The following LRRC4C variants were observed in gnomAD, a reference collection of about 807,000 sequenced individuals.
LRRC4C encodes the protein leucine rich repeat containing 4C, also known as leucine-rich repeat-containing protein 4C.
Under a neutral mutation model 33.6 loss-of-function variants are expected in LRRC4C, and 5 were observed. The observed-to-expected ratio is 0.15, with a 90% CI of 0.08 to 0.31. LRRC4C has a LOEUF of 0.31. Ranked by LOEUF, LRRC4C falls within the 10% of genes least tolerant of loss-of-function variation. The pLI, the probability that LRRC4C is intolerant of heterozygous loss-of-function variation, is 1.00. For missense variants in LRRC4C, 560 were observed against 796.7 expected (o/e 0.70, Z 3.58); for synonymous variants, 329 against 302.0 (o/e 1.09, Z -0.93).
chr11:41,262,900 TG>T (rs1317621570), intron 1 of LRRC4C, among the ~76,000 whole-genome samples: 1 of 152,144 alleles, frequency 6.6e-6, no homozygotes, highest in African/African-American at 2.4e-5. Flanking sequence ...GGGAGAATGC[TG>T]CCTAATATTT....
At chr11:40,425,117 T>C (rs1169906065) in intron 3 of LRRC4C, among the ~76,000 whole-genome samples, 2 of 130,208 alleles carry the variant, frequency 1.5e-5, no homozygotes, top group Admixed American at 7.9e-5. Flanking sequence ...TGAAGTCTCA[T>C]CTTTGTGGGG....
chr11:40,197,989 A>G (rs74853866), intron 5 of LRRC4C, among the ~76,000 whole-genome samples: 56 of 152,310 alleles, frequency 3.7e-4, no homozygotes, highest in African/African-American at 1.3e-3. Context: ...TACATTTAAT[A>G]AGAATGAGAA....
At chr11:40,153,357 C>T (rs1858384887) in intron 5 of LRRC4C, among the ~76,000 whole-genome samples, 1 of 152,014 alleles carries the variant, frequency 6.6e-6, no homozygotes, top group Admixed American at 6.6e-5. Flanking sequence ...GAAAACCAAC[C>T]CTGGTAATAT....
chr11:40,276,261 T>G (rs1236672075), intron 4 of LRRC4C, among the ~76,000 whole-genome samples: 1 of 152,034 alleles, frequency 6.6e-6, no homozygotes, highest in African/African-American at 2.4e-5. Context: ...TGAGTTAGAA[T>G]AGGGAAGGGA....
At chr11:41,385,294 G>A (rs540083547) in intron 1 of LRRC4C, among the ~76,000 whole-genome samples, 4 of 151,424 alleles carry the variant, frequency 2.6e-5, no homozygotes, top group Non-Finnish European at 5.9e-5. Flanking sequence ...CCCAAATACT[G>A]CAGAATATAC....
intron 3 of LRRC4C, among the ~76,000 whole-genome samples, chr11:40,546,921 T>C (rs555785129): frequency 4.6e-5 from 7 of 152,274 alleles, no homozygotes; most frequent in Admixed American, 1.3e-4. Flanking sequence ...TCATATACTA[T>C]GCAGCCTGTG....
intron 2 of LRRC4C, among the ~76,000 whole-genome samples, chr11:40,931,353 A>T (rs934370832): frequency 1.3e-5 from 2 of 152,196 alleles, no homozygotes; most frequent in Admixed American, 1.3e-4. Context: ...GAAATAATTT[A>T]ATCAATGACT....
rs150380000 is a variant in LRRC4C, at chr11:40,989,574, A to G, written c.-495-55851T>C. Among the ~76,000 whole-genome samples, 5 of 152,294 alleles carry G rather than the reference A, an allele frequency of 3.3e-5. No homozygotes were observed. In the East Asian group the frequency reaches 9.7e-4, roughly 29 times the overall value. On this transcript the variant is annotated intron_variant, in intron 1 of 6. Coordinates refer to ENST00000528697, the MANE Select transcript of LRRC4C (RefSeq NM_001258419.2). ...CTAGGTATTTATTCAGGAAGGATTT[A>G]TACATAACATTCTGGTTAGAAGGGG...
chr11:40,202,769 A>C lies in LRRC4C; in HGVS notation c.-96+38750T>G, dbSNP rs182011685. On this transcript the variant is annotated intron_variant, in intron 5 of 6. Coordinates refer to ENST00000528697, the MANE Select transcript of LRRC4C (RefSeq NM_001258419.2). ...CAATAAGGGAAGGGGCAAAGCTATC[A>C]AGGGTAATAATCAAAGCTTGGCCAT... 5.8e-4 allele frequency among the ~76,000 whole-genome samples: 89 copies of C among 152,246 alleles called. 1 individual carries two copies. Among genetic ancestry groups the C allele is most frequent in the Admixed American group, 2.6e-3 (39 of 15,280 alleles).
At chr11:41,315,496 C>T (rs927806089) in intron 1 of LRRC4C, among the ~76,000 whole-genome samples, 4 of 152,146 alleles carry the variant, frequency 2.6e-5, no homozygotes, top group African/African-American at 9.7e-5. Flanking sequence ...TCATGGAGAA[C>T]TGAAGTATCT....
In LRRC4C at chr11:40,359,742, C is replaced by G. The variant is rs564070607; in HGVS notation, c.-269-40021G>C. Reference sequence around the variant, plus strand: ...GCTAAAAGCTGTAAACAGTCAGAATCAACCCAATCTGAATAGCCTCATCTT... The same window carrying G: ...GCTAAAAGCTGTAAACAGTCAGAATGAACCCAATCTGAATAGCCTCATCTT... On this transcript the variant is annotated intron_variant, in intron 3 of 6. Coordinates refer to ENST00000528697, the MANE Select transcript of LRRC4C (RefSeq NM_001258419.2). 2.4e-4 allele frequency among the ~76,000 whole-genome samples: 36 copies of G among 152,296 alleles called. No individual in the cohort carries two copies. The East Asian group carries it at 4.6e-3, about 20-fold the overall frequency.
At chr11:40,500,103 G>T (rs896190067) in intron 3 of LRRC4C, among the ~76,000 whole-genome samples, 1 of 151,914 alleles carries the variant, frequency 6.6e-6, no homozygotes, top group Non-Finnish European at 1.5e-5. Flanking sequence ...TACAGTTATG[G>T]ATTCTGGAAT....
intron 1 of LRRC4C, among the ~76,000 whole-genome samples, chr11:41,354,009 C>T (rs944658101): frequency 1.3e-5 from 2 of 152,028 alleles, no homozygotes; most frequent in South Asian, 4.1e-4. Context: ...CAACATTTTA[C>T]TAGAAGTCCT....
intron 2 of LRRC4C, among the ~76,000 whole-genome samples, chr11:40,678,673 C>A (rs1944530123): frequency 6.6e-6 from 1 of 152,084 alleles, no homozygotes; most frequent in Non-Finnish European, 1.5e-5. Context: ...AATTCCCCTG[C>A]ACAAGTTCTT....
At chr11:40,441,912 C>T (rs1287092809) in intron 3 of LRRC4C, among the ~76,000 whole-genome samples, 1 of 152,108 alleles carries the variant, frequency 6.6e-6, no homozygotes, top group African/African-American at 2.4e-5. Context: ...CCTGTAATCC[C>T]AGCACTTTGG....
chr11:41,112,822 C>G (rs755704061), intron 1 of LRRC4C, among the ~76,000 whole-genome samples: 12 of 152,044 alleles, frequency 7.9e-5, no homozygotes, highest in Non-Finnish European at 1.2e-4. Context: ...TGATTTTCCT[C>G]ATTGAATGCT....
intron 1 of LRRC4C, among the ~76,000 whole-genome samples, chr11:41,054,862 T>C (rs1858504121): frequency 6.6e-6 from 1 of 152,214 alleles, no homozygotes; most frequent in South Asian, 2.1e-4. Flanking sequence ...TGAACTATCA[T>C]GAGAGCATGT....
At chr11:40,454,480 T>C (rs1952041982) in intron 3 of LRRC4C, among the ~76,000 whole-genome samples, 1 of 152,172 alleles carries the variant, frequency 6.6e-6, no homozygotes, top group South Asian at 2.1e-4. Flanking sequence ...TCTGCTCATC[T>C]TTCTAACTCA....
intron 1 of LRRC4C, among the ~76,000 whole-genome samples, chr11:41,110,645 G>A (rs1268558819): frequency 6.6e-6 from 1 of 151,834 alleles, no homozygotes; most frequent in Non-Finnish European, 1.5e-5. Flanking sequence ...TTATTGTTAC[G>A]TTTTGCAAGT....
Sources: allele counts gnomAD v4.1 joint callset (sites outside exome capture counted in the v4.1 genomes callset), GRCh38; gene constraint gnomAD v4.1.1; transcripts MANE v1.5; gene names NCBI Gene and HGNC (gene_info 2026-07-23, HGNC 2026-07-21).